CREB5: variants seen among roughly 807,000 people sequenced by gnomAD.
The protein encoded by CREB5 is cAMP responsive element binding protein 5.
A neutral mutation model predicts 57.1 loss-of-function variants in CREB5; 19 were observed. The observed-to-expected ratio is 0.33, with a 90% CI of 0.23 to 0.49. The LOEUF (loss-of-function observed/expected upper bound fraction) is 0.49, where lower values mean the gene tolerates loss of function less well. Among genes scored for constraint, CREB5 ranks in the 20% least tolerant of loss-of-function variants. The pLI is 0.99. For missense variants in CREB5, 579 were observed against 671.6 expected, an observed-to-expected ratio of 0.86 and a Z score of 1.52; for synonymous variants, 238 against 238.3, an observed-to-expected ratio of 1.00 and a Z score of 0.01.
chr7:28,419,001 C>A (rs1331711144), intron 1 of CREB5, among the ~76,000 whole-genome samples: 1 of 152,144 alleles, frequency 6.6e-6, no homozygotes, highest in East Asian at 1.9e-4. Flanking sequence ...TCTTACTTTC[C>A]AGCTTCAGGC....
chr7:28,577,637 A>G (rs1795953702), intron 5 of CREB5, among the ~76,000 whole-genome samples: 1 of 152,188 alleles, frequency 6.6e-6, no homozygotes, highest in Non-Finnish European at 1.5e-5. Flanking sequence ...CAGAACTCGA[A>G]TCCAGACCAC....
At chr7:28,372,587 A>T (rs111779102) in intron 1 of CREB5, among the ~76,000 whole-genome samples, 2 of 152,216 alleles carry the variant, frequency 1.3e-5, no homozygotes, top group African/African-American at 4.8e-5. Context: ...TTTAACTGGG[A>T]CGATAGTGTT....
At chr7:28,585,129 G>T (rs1219395247) in intron 5 of CREB5, among the ~76,000 whole-genome samples, 2 of 152,232 alleles carry the variant, frequency 1.3e-5, no homozygotes, top group Non-Finnish European at 2.9e-5. Flanking sequence ...CGAATGTTCT[G>T]CTCAGTAGTA....
intron 7 of CREB5, among the ~76,000 whole-genome samples, chr7:28,769,384 G>C (rs1170392300): frequency 6.6e-6 from 1 of 152,156 alleles, no homozygotes; most frequent in Non-Finnish European, 1.5e-5. Flanking sequence ...TGATAGATGA[G>C]AGATATGCTA....
At chr7:28,608,123 T>TCA (rs1200162382) in intron 5 of CREB5, among the ~76,000 whole-genome samples, 10 of 68,546 alleles carry the variant, frequency 1.5e-4, no homozygotes, top group African/African-American at 3.6e-4. Flanking sequence ...TCACACACAC[T>TCA]CACACACACA....
intron 3 of CREB5, among the ~76,000 whole-genome samples, chr7:28,505,097 T>A (rs1263331352): frequency 6.6e-6 from 1 of 152,296 alleles, no homozygotes; most frequent in Admixed American, 6.5e-5. Context: ...TCTTCATATG[T>A]AAACCAGGAA....
intron 9 of CREB5, among the ~76,000 whole-genome samples, chr7:28,811,713 T>C (rs1225116066): frequency 6.6e-6 from 1 of 152,096 alleles, no homozygotes; most frequent in Non-Finnish European, 1.5e-5. Flanking sequence ...TTTTGATGTG[T>C]ATTGAAAAAT....
chr7:28,567,995 C>T (rs1795548920), intron 4 of CREB5, among the ~76,000 whole-genome samples: 1 of 152,072 alleles, frequency 6.6e-6, no homozygotes, highest in Non-Finnish European at 1.5e-5. Context: ...ATTTTGAGAT[C>T]ACAGTGGCTA....
intron 1 of CREB5, among the ~76,000 whole-genome samples, chr7:28,335,187 G>T (rs1420668407): frequency 6.6e-6 from 1 of 152,042 alleles, no homozygotes; most frequent in African/African-American, 2.4e-5. Context: ...CTTGTCTTTT[G>T]TGGTTCCATA....
At chr7:28,424,243 G>A (rs1419600779) in intron 1 of CREB5, among the ~76,000 whole-genome samples, 1 of 152,150 alleles carries the variant, frequency 6.6e-6, no homozygotes, top group Non-Finnish European at 1.5e-5. Context: ...CCTTTCTGAG[G>A]TACTGGGAGT....
intron 5 of CREB5, among the ~76,000 whole-genome samples, chr7:28,664,982 T>C (rs1272885854): frequency 2.0e-5 from 3 of 152,204 alleles, no homozygotes; most frequent in African/African-American, 7.2e-5. Context: ...CGGCTCTTTC[T>C]GGTCATCATA....
chr7:28,578,608 A>G (rs185134268), intron 5 of CREB5, among the ~76,000 whole-genome samples: 23 of 152,328 alleles, frequency 1.5e-4, no homozygotes, highest in African/African-American at 5.5e-4. Context: ...CTATAATACT[A>G]TATGTCTCCT....
intron 3 of CREB5, among the ~76,000 whole-genome samples, chr7:28,502,665 G>A (rs1792317214): frequency 6.6e-6 from 1 of 152,168 alleles, no homozygotes; most frequent in Admixed American, 6.5e-5. Flanking sequence ...GCCACTATCA[G>A]TTTCATGCCA....
At chr7:28,816,341 T>G (rs1809438644) in intron 9 of CREB5, among the ~76,000 whole-genome samples, 1 of 152,210 alleles carries the variant, frequency 6.6e-6, no homozygotes, top group African/African-American at 2.4e-5. Flanking sequence ...GGGTCACTTT[T>G]GGTTTCCACA....
At chr7:28,648,483 C>T (rs1007198109) in intron 5 of CREB5, among the ~76,000 whole-genome samples, 2 of 152,086 alleles carry the variant, frequency 1.3e-5, no homozygotes, top group Non-Finnish European at 2.9e-5. Flanking sequence ...CACCTGTAAT[C>T]CCAGCATTTT....
chr7:28,455,912 T>C (rs563288605), intron 1 of CREB5, among the ~76,000 whole-genome samples: 1 of 152,306 alleles, frequency 6.6e-6, no homozygotes, highest in Non-Finnish European at 1.5e-5. Context: ...TTTCACTCCT[T>C]GGTAAGGATG....
At chr7:28,419,990 T>A (rs1476064773) in intron 1 of CREB5, among the ~76,000 whole-genome samples, 1 of 152,228 alleles carries the variant, frequency 6.6e-6, no homozygotes, top group Non-Finnish European at 1.5e-5. Context: ...TTTGAAATTG[T>A]ACTTTTTGCT....
At chr7:28,582,313 AAGG>A (rs749677102) in intron 5 of CREB5, among the ~76,000 whole-genome samples, 1 of 152,226 alleles carries the variant, frequency 6.6e-6, no homozygotes, top group Non-Finnish European at 1.5e-5. Flanking sequence ...CTTCATCAGC[AAGG>A]AGTTTAATAA....
chr7:28,299,544 A>G (rs992183067), intron 1 of CREB5: 2 of 152,256 alleles, frequency 1.3e-5, no homozygotes, highest in African/African-American at 4.8e-5. Context: ...CAGTTGCTCA[A>G]CATGTGGCTA....
Sources: gnomAD v4.1 joint callset for allele counts (sites outside exome capture counted in the v4.1 genomes callset) on GRCh38, gnomAD v4.1.1 for gene constraint, MANE v1.5 for transcripts, NCBI Gene and HGNC (gene_info 2026-07-23, HGNC 2026-07-21) for gene names.